Variants in SNX29 observed in about 807,000 individuals in gnomAD.
The protein encoded by SNX29 is sorting nexin 29, also known as sorting nexin-29.
In SNX29, 78 loss-of-function variants were observed where a neutral mutation model predicts 102.1. The ratio of observed to expected loss-of-function variants is 0.76; its 90% CI spans 0.64 to 0.92. The LOEUF is 0.92. Among genes scored for constraint, SNX29 ranks in the 40% least tolerant of loss-of-function variants. SNX29 has a pLI of 0.00. For missense variants in SNX29, 1,280 were observed against 1,061.7 expected (o/e 1.21, Z -2.86); for synonymous variants, 580 against 414.5 (o/e 1.40, Z -4.85).
At chr16:12,196,884 G>C (rs556142236) in intron 13 of SNX29, among the ~76,000 whole-genome samples, 159 of 152,246 alleles carry the variant, frequency 1.0e-3, no homozygotes, top group Non-Finnish European at 2.1e-3. Context: ...GCCTCCCAGC[G>C]TGCTGGGATT....
intron 11 of SNX29, among the ~76,000 whole-genome samples, chr16:12,114,147 A>G (rs1323868534): frequency 6.6e-6 from 1 of 152,214 alleles, no homozygotes; most frequent in Non-Finnish European, 1.5e-5. Flanking sequence ...TCCACATAGC[A>G]TATGAGCTGT....
chr16:12,282,083 C>CAAA lies in SNX29; in HGVS notation c.1782+4070_1782+4072dup, dbSNP rs758827865. ...TGGGCGACAGAGTGAGACTCCATCT[C>CAAA]AAAAAAAAAAAAAAAAAAAAAAAAA... On this transcript the variant is annotated intron_variant, in intron 15 of 20. Coordinates refer to ENST00000566228, the MANE Select transcript of SNX29 (RefSeq NM_032167.5). Among the ~76,000 whole-genome samples, 132 of 61,826 alleles carry CAAA rather than the reference C, an allele frequency of 2.1e-3. 4 individuals carry two copies. The highest frequency in any genetic ancestry group is 2.2e-3 in the Non-Finnish European group (76 of 34,794). The allele number at this position is 61,826 out of a possible 152,430, so 40.6% of individuals were successfully genotyped here. A position where few individuals can be genotyped will look rare whatever the true frequency, so the allele number is the denominator to read the frequency against.
At chr16:12,555,928 C>G (rs1284886401) in intron 20 of SNX29, among the ~76,000 whole-genome samples, 1 of 152,148 alleles carries the variant, frequency 6.6e-6, no homozygotes, top group Admixed American at 6.5e-5. Flanking sequence ...CGTATGGTGT[C>G]AGGTCTGTTT....
At chr16:12,559,215 G>GT (rs1238252522) in intron 20 of SNX29, among the ~76,000 whole-genome samples, 4 of 152,034 alleles carry the variant, frequency 2.6e-5, no homozygotes, top group Non-Finnish European at 4.4e-5. Flanking sequence ...CGCTTCGTCT[G>GT]TATTTACAGC....
At chr16:12,250,436 G>A (rs1172338534) in intron 14 of SNX29, among the ~76,000 whole-genome samples, 1 of 152,186 alleles carries the variant, frequency 6.6e-6, no homozygotes, top group African/African-American at 2.4e-5. Context: ...CTGTCAGGCA[G>A]AAGAGGGTTT....
intron 14 of SNX29, among the ~76,000 whole-genome samples, chr16:12,264,559 A>G (rs9630612): frequency 0.61 from 93,418 of 152,074 alleles, 29,325 homozygotes; most frequent in African/African-American, 0.7. Flanking sequence ...AAGCCAGAGG[A>G]TTGCCTGCAG....
intron 14 of SNX29, among the ~76,000 whole-genome samples, chr16:12,250,678 G>C (rs2078395243): frequency 6.6e-6 from 1 of 152,244 alleles, no homozygotes; most frequent in Non-Finnish European, 1.5e-5. Context: ...AAAGCAGGCA[G>C]ATCTGTGCAC....
At chr16:12,112,975 G>A (rs1334200269) in intron 11 of SNX29, among the ~76,000 whole-genome samples, 5 of 152,182 alleles carry the variant, frequency 3.3e-5, no homozygotes, top group Non-Finnish European at 5.9e-5. Flanking sequence ...CGCTGCCTGG[G>A]ACAGCGTGGT....
At chr16:12,165,281 G>T (rs1339933704) in intron 13 of SNX29, among the ~76,000 whole-genome samples, 1 of 152,232 alleles carries the variant, frequency 6.6e-6, no homozygotes, top group Non-Finnish European at 1.5e-5. Flanking sequence ...CATGCATTCT[G>T]CAAACATCTT....
chr16:12,380,474 TCCAC>T (rs2083044475), intron 16 of SNX29, among the ~76,000 whole-genome samples: 1 of 48,038 alleles, frequency 2.1e-5, no homozygotes, highest in African/African-American at 5.3e-5. Context: ...CCACCATCCA[TCCAC>T]CCACCCACCA....
At chr16:12,438,534 T>G (rs1424568078) in intron 18 of SNX29, among the ~76,000 whole-genome samples, 1 of 152,182 alleles carries the variant, frequency 6.6e-6, no homozygotes, top group African/African-American at 2.4e-5. Flanking sequence ...CAGCCTAGAT[T>G]TGGACATTCT....
intron 13 of SNX29, among the ~76,000 whole-genome samples, chr16:12,152,798 C>T (rs972589418): frequency 6.6e-6 from 1 of 152,136 alleles, no homozygotes; most frequent in African/African-American, 2.4e-5. Context: ...TTCTGAACAC[C>T]AGTAATGGTT....
In SNX29 at chr16:12,563,943, G is replaced by C. The variant is rs567993675; in HGVS notation, c.2319-4563G>C. Among the ~76,000 whole-genome samples the C allele has an allele frequency of 3.3e-5, 5 of 152,278 alleles. No homozygotes were observed. In the East Asian group the frequency reaches 7.7e-4, roughly 24 times the overall value. Reference sequence around the variant, plus strand: ...CCTACAATACCTAGACGCTGATCTTGTTCAAGAAAGACGAGGAAGGGCTTT... The same window carrying C: ...CCTACAATACCTAGACGCTGATCTTCTTCAAGAAAGACGAGGAAGGGCTTT... On this transcript the variant is annotated intron_variant, in intron 20 of 20. Transcript: ENST00000566228.
At chr16:12,159,579 G>A (rs2055696395) in intron 13 of SNX29, among the ~76,000 whole-genome samples, 1 of 152,218 alleles carries the variant, frequency 6.6e-6, no homozygotes, top group East Asian at 1.9e-4. Context: ...CCCCACTGGG[G>A]CTGGGCACGG....
intron 14 of SNX29, among the ~76,000 whole-genome samples, chr16:12,232,607 T>C (rs192674020): frequency 6.6e-4 from 100 of 152,294 alleles, no homozygotes; most frequent in African/African-American, 2.2e-3. Context: ...TTCAGTGGGC[T>C]TCACGGTGGA....
intron 15 of SNX29, among the ~76,000 whole-genome samples, chr16:12,311,248 T>A (rs1362555711): frequency 6.6e-6 from 1 of 151,982 alleles, no homozygotes; most frequent in African/African-American, 2.4e-5. Context: ...TTTCAGTGCC[T>A]CTCTCCCAGA....
chr16:12,403,378 CTTTTTTATT>C, intron 17 of SNX29, 61 bp from the exon 18 acceptor site: 1 of 1,478,426 alleles, frequency 6.8e-7, no homozygotes, highest in South Asian at 1.2e-5. Flanking sequence ...CTCCTTTCCT[CTTTTTTATT>C]TTTTATTTTT....
At chr16:11,993,981 C>T (rs1391851377) in intron 1 of SNX29, among the ~76,000 whole-genome samples, 1 of 152,106 alleles carries the variant, frequency 6.6e-6, no homozygotes, top group Non-Finnish European at 1.5e-5. Context: ...ATTAGCTGGG[C>T]ATGGTAGCAG....
chr16:12,474,875 C>T (rs375831700), intron 18 of SNX29, among the ~76,000 whole-genome samples: 2 of 152,326 alleles, frequency 1.3e-5, no homozygotes, highest in East Asian at 3.9e-4. Context: ...CATGTTTTCT[C>T]TACTTGGTTA....
Sources: gnomAD v4.1 joint callset for allele counts (sites outside exome capture counted in the v4.1 genomes callset) on GRCh38, gnomAD v4.1.1 for gene constraint, MANE v1.5 for transcripts, NCBI Gene and HGNC (gene_info 2026-07-23, HGNC 2026-07-21) for gene names.